THBS4: variants seen among roughly 807,000 people sequenced by gnomAD.
THBS4 encodes thrombospondin-4.
THBS4 carries 90 observed loss-of-function variants against 115.7 expected under a neutral mutation model. The ratio of observed to expected loss-of-function variants is 0.78; its 90% confidence interval spans 0.66 to 0.93. The LOEUF (loss-of-function observed/expected upper bound fraction) is 0.93, where lower values mean the gene tolerates loss of function less well. THBS4 is among the 40% of genes least tolerant of loss of function. THBS4 has a pLI of 0.00. For missense variants in THBS4, 1,087 were observed against 1,232.7 expected, an observed-to-expected ratio of 0.88 and a Z score of 1.77; for synonymous variants, 460 against 479.3, an observed-to-expected ratio of 0.96 and a Z score of 0.53.
intron 2 of THBS4, among the ~76,000 whole-genome samples, chr5:80,040,914 C>T (rs1481195345): frequency 3.9e-5 from 6 of 152,064 alleles, no homozygotes; most frequent in African/African-American, 2.4e-5. Context: ...TGAGGGGCAC[C>T]GTAGCTTTAT....
At chr5:80,001,007 A>G (rs990002560) in intron 2 of THBS4, among the ~76,000 whole-genome samples, 1 of 152,158 alleles carries the variant, frequency 6.6e-6, no homozygotes, top group Non-Finnish European at 1.5e-5. Context: ...ATTCTTCGAG[A>G]TAACTTGTAC....
At chr5:80,038,107 C>G (rs1832774075) in intron 1 of THBS4, among the ~76,000 whole-genome samples, 1 of 151,954 alleles carries the variant, frequency 6.6e-6, no homozygotes, top group Non-Finnish European at 1.5e-5. Flanking sequence ...TTTATTCATT[C>G]TTATTACAAA....
At chr5:80,005,762 ATTTTTTT>A (rs567389394) in intron 2 of THBS4, among the ~76,000 whole-genome samples, 1 of 119,872 alleles carries the variant, frequency 8.3e-6, no homozygotes, top group African/African-American at 3.3e-5. Flanking sequence ...TGTTTGTGGC[ATTTTTTT>A]TTTTTTTTTT....
At chr5:80,058,075 A>G (rs1198978344) in intron 3 of THBS4, 131 bp from the exon 4 acceptor site, 2 of 662,944 alleles carry the variant, frequency 3.0e-6, no homozygotes, top group Admixed American at 2.7e-5. Context: ...ATGTGATCCT[A>G]CAAAATTATG....
intron 2 of THBS4, among the ~76,000 whole-genome samples, chr5:80,007,781 C>G (rs1832047877): frequency 6.6e-6 from 1 of 152,232 alleles, no homozygotes; most frequent in Non-Finnish European, 1.5e-5. Context: ...ACATAACACA[C>G]AGTGCTCTGA....
In THBS4 at chr5:80,035,596, T is replaced by C; in HGVS notation, c.59T>C (p.Leu20Pro). ...CTGCACCTGGTCCTGCAGCGGTGGCTAGCGGCAGGCGCCCAGGCCACCCCC... is the reference window on the plus strand; with the variant it reads ...CTGCACCTGGTCCTGCAGCGGTGGCCAGCGGCAGGCGCCCAGGCCACCCCC... Reference protein sequence around the residue: ...LLLHLVLQRWLAAGAQATPQV... With the variant: ...LLLHLVLQRWPAAGAQATPQV... The change falls in exon 1 of 22, where the codon CTA (leucine) becomes CCA (proline). Residue 20 changes from leucine (L) to proline (P), a missense_variant. Around this residue, in one of 3 missense-constraint regions of THBS4, gnomAD observed 979 missense variants for 1,103.7 expected, o/e 0.89. Coordinates refer to ENST00000350881, the MANE Select transcript of THBS4 (RefSeq NM_003248.6). This position sits in a 1 kb window ranked among gnomAD's most constrained non-coding sequence, Gnocchi z 4.6. 2 of 1,423,564 alleles carry C rather than the reference T, an allele frequency of 1.4e-6. No homozygotes were observed. Among genetic ancestry groups the C allele is most frequent in the Non-Finnish European group, 1.8e-6 (2 of 1,087,644 alleles). The allele number at this position is 1,423,564 out of a possible 1,614,324, so 88.2% of individuals were successfully genotyped here.
Position 80,083,172 on chromosome 5 carries a change from G to A in THBS4, c.*31G>A. On this transcript the variant is annotated 3_prime_UTR_variant, in exon 22 of 22. Coordinates refer to ENST00000350881, the MANE Select transcript of THBS4 (RefSeq NM_003248.6). ...GGAAGCAATCTGTAACTGCTTTTCG[G>A]AACACTAAAACCATATATATTTTAA... 1 of 1,577,336 alleles carries A rather than the reference G, an allele frequency of 6.3e-7. No individual in the cohort carries two copies. The highest frequency in any genetic ancestry group is 8.7e-7 in the Non-Finnish European group (1 of 1,146,594).
At chr5:80,041,356 A>G (rs1247374149) in intron 2 of THBS4, among the ~76,000 whole-genome samples, 1 of 152,084 alleles carries the variant, frequency 6.6e-6, no homozygotes, top group Non-Finnish European at 1.5e-5. Context: ...ATACCATCAC[A>G]CTGGAGATTA....
intron 2 of THBS4, among the ~76,000 whole-genome samples, chr5:80,029,180 C>T (rs763050274): frequency 2.0e-5 from 3 of 152,086 alleles, no homozygotes; most frequent in Admixed American, 6.5e-5. Context: ...ATGTAATTTT[C>T]GTGTATTTTG....
intron 1 of THBS4, among the ~76,000 whole-genome samples, chr5:79,997,001 T>C (rs186768138): frequency 1.3e-5 from 2 of 151,486 alleles, no homozygotes; most frequent in East Asian, 1.9e-4. Context: ...ACAAGTGATA[T>C]ACTCAAAAAT....
At chr5:80,000,571 C>A (rs1395461801) in intron 2 of THBS4, among the ~76,000 whole-genome samples, 1 of 152,202 alleles carries the variant, frequency 6.6e-6, no homozygotes, top group Non-Finnish European at 1.5e-5. Context: ...CTCTCATTTC[C>A]ATCCTAGGGA....
At chr5:80,065,298 G>T in intron 8 of THBS4, 111 bp from the exon 9 acceptor site, 1 of 925,078 alleles carries the variant, frequency 1.1e-6, no homozygotes. Context: ...CATTCTACCC[G>T]AAATTCCGCA....
intron 3 of THBS4, among the ~76,000 whole-genome samples, chr5:80,057,226 C>T (rs922232022): frequency 6.6e-6 from 1 of 152,158 alleles, no homozygotes; most frequent in Non-Finnish European, 1.5e-5. Flanking sequence ...TTAGTGTTCA[C>T]CACCAAATAA....
Position 80,082,529 on chromosome 5 carries a change from C to CAAGTA in THBS4, c.2809_2813dup (p.Tyr938Ter). The CAAGTA allele has an allele frequency of 1.2e-6, 2 of 1,614,196 alleles. No homozygotes were observed. The highest frequency in any genetic ancestry group is 1.7e-6 in the Non-Finnish European group (2 of 1,180,038). On this transcript the variant is annotated frameshift_variant, in exon 21 of 22. Coordinates refer to ENST00000350881, the MANE Select transcript of THBS4 (RefSeq NM_003248.6). LOFTEE classifies it high-confidence loss of function. ...AAGAAAACATCATCTGGTCCAACCT[C>CAAGTA]AAGTATCGCTGCAATGGTAATGTGC...
At position 80,038,654 on chromosome 5, in the gene THBS4, A is replaced by T. The variant is rs950681741; in HGVS notation, c.89-1423A>T. Among the ~76,000 whole-genome samples the T allele has an allele frequency of 6.4e-4, 98 of 152,008 alleles. 2 individuals are homozygous for T. The highest frequency in any genetic ancestry group is 5.9e-4 in the Admixed American group (9 of 15,252). ...TCAGGTTTACCTCTCTTCCAATTAGATTTTCACCTAATTCTTTCCTAAATA... is the reference window on the plus strand; with the variant it reads ...TCAGGTTTACCTCTCTTCCAATTAGTTTTTCACCTAATTCTTTCCTAAATA... On this transcript the variant is annotated intron_variant, in intron 1 of 21. Transcript: ENST00000350881.
At position 80,061,789 on chromosome 5, in the gene THBS4, T is replaced by C. The variant is rs781672799; in HGVS notation, c.1082T>C (p.Met361Thr). ...DACPVGFTGPMVQGVGISFAK... is the reference protein window; with the variant it reads ...DACPVGFTGPTVQGVGISFAK... ...TGCCCAGTGGGCTTCACAGGGCCCA[T>C]GGTGCAGGGTGTTGGGATCAGTTTT... Residue 361 changes from methionine (M) to threonine (T), a missense_variant, in exon 8 of 22, where the codon ATG (methionine) becomes ACG (threonine). Physicochemically the swap from Met to Thr is moderately conservative, Grantham distance 81 (BLOSUM62 -1). Transcript: ENST00000350881. 1.2e-5 allele frequency: 20 copies of C among 1,613,862 alleles called. No homozygotes were observed. Among genetic ancestry groups the C allele is most frequent in the Non-Finnish European group, 1.6e-5 (19 of 1,179,994 alleles).
intron 2 of THBS4, among the ~76,000 whole-genome samples, chr5:80,050,390 A>C (rs1372937299): frequency 6.6e-6 from 1 of 152,138 alleles, no homozygotes; most frequent in Non-Finnish European, 1.5e-5. Flanking sequence ...AAATGAAATC[A>C]TAGTGGGTCA....
At chr5:80,055,682 C>A (rs1833399804) in intron 2 of THBS4, 103 bp from the exon 3 acceptor site, 1 of 1,467,892 alleles carries the variant, frequency 6.8e-7, no homozygotes, top group Non-Finnish European at 9.2e-7. Context: ...GTCTTGTTAC[C>A]AGGAGGCTGT....
intron 2 of THBS4, 113 bp from the exon 3 acceptor site, chr5:80,055,672 G>A (rs1162582660): frequency 1.4e-6 from 2 of 1,431,158 alleles, no homozygotes. Flanking sequence ...CAGCAACCCA[G>A]TCTTGTTACC....
Sources: gnomAD v4.1 joint callset for allele counts (sites outside exome capture counted in the v4.1 genomes callset) on GRCh38, gnomAD v4.1.1 for gene constraint, gnomAD v4.1.1 regional missense constraint, Gnocchi (gnomAD v3.1) non-coding constraint, MANE v1.5 for transcripts, NCBI Gene and HGNC (gene_info 2026-07-23, HGNC 2026-07-21) for gene names.